CLSTN2: variants seen among roughly 807,000 people sequenced by gnomAD.
CLSTN2 encodes calsyntenin 2.
In CLSTN2, 48 loss-of-function variants were observed where a neutral mutation model predicts 101.2. The ratio of observed to expected loss-of-function variants is 0.47; its 90% CI spans 0.38 to 0.60. The LOEUF is 0.60. CLSTN2 is among the 20% of genes least tolerant of loss of function. The pLI, the probability that CLSTN2 is intolerant of heterozygous loss-of-function variation, is 0.00. For missense variants in CLSTN2, 1,160 were observed against 1,238.2 expected, an observed-to-expected ratio of 0.94 and a Z score of 0.95; for synonymous variants, 481 against 463.6, an observed-to-expected ratio of 1.04 and a Z score of -0.48.
At chr3:140,242,096 G>A (rs1247142727) in intron 2 of CLSTN2, among the ~76,000 whole-genome samples, 1 of 152,010 alleles carries the variant, frequency 6.6e-6, no homozygotes, top group African/African-American at 2.4e-5. Context: ...ATTTTTGGTA[G>A]AGATGGGGTT....
intron 8 of CLSTN2, among the ~76,000 whole-genome samples, chr3:140,485,038 G>A (rs977047433): frequency 1.3e-5 from 2 of 152,152 alleles, no homozygotes. Flanking sequence ...GAGGCACTCT[G>A]ATTTTTAGAG....
At chr3:140,055,269 G>A (rs1170119812) in intron 1 of CLSTN2, among the ~76,000 whole-genome samples, 1 of 152,118 alleles carries the variant, frequency 6.6e-6, no homozygotes, top group Non-Finnish European at 1.5e-5. Flanking sequence ...TGGCCTGGAG[G>A]GGCCTGCCTC....
rs758907787 is a variant in CLSTN2, at chr3:140,222,175, A to G, written c.232+46102A>G. Among the ~76,000 whole-genome samples the G allele has an allele frequency of 3.9e-5, 6 of 152,310 alleles. No individual in the cohort carries two copies. The East Asian group carries it at 5.8e-4, about 15-fold the overall frequency. On this transcript the variant is annotated intron_variant, in intron 2 of 16. Coordinates refer to ENST00000458420, the MANE Select transcript of CLSTN2 (RefSeq NM_022131.3). Reference sequence around the variant, plus strand: ...GATCCTGCCATTTGCAATAACATGGATGGAACTGGAGGTCATTATGTTAAA... The same window carrying G: ...GATCCTGCCATTTGCAATAACATGGGTGGAACTGGAGGTCATTATGTTAAA...
chr3:140,273,150 A>T (rs1006727822), intron 2 of CLSTN2, among the ~76,000 whole-genome samples: 1 of 151,964 alleles, frequency 6.6e-6, no homozygotes, highest in Admixed American at 6.6e-5. Flanking sequence ...GGGTTGGAAG[A>T]TATACTCATT....
At chr3:140,123,951 C>T (rs2009388346) in intron 1 of CLSTN2, among the ~76,000 whole-genome samples, 1 of 151,606 alleles carries the variant, frequency 6.6e-6, no homozygotes, top group Non-Finnish European at 1.5e-5. Context: ...TCCTAAAAGC[C>T]CTATCTACAA....
intron 2 of CLSTN2, among the ~76,000 whole-genome samples, chr3:140,304,945 C>T (rs2087097078): frequency 1.3e-5 from 2 of 152,120 alleles, no homozygotes; most frequent in African/African-American, 4.8e-5. Flanking sequence ...GTCCAATGCC[C>T]TGAATGTTGC....
intron 2 of CLSTN2, among the ~76,000 whole-genome samples, chr3:140,206,750 T>C (rs1290369715): frequency 1.3e-5 from 2 of 152,216 alleles, no homozygotes; most frequent in Non-Finnish European, 2.9e-5. Flanking sequence ...GAGACATTTG[T>C]ACTTGCCCTG....
chr3:140,101,410 C>G (rs1560094957), intron 1 of CLSTN2, among the ~76,000 whole-genome samples: 1 of 152,314 alleles, frequency 6.6e-6, no homozygotes, highest in Middle Eastern at 3.4e-3. Flanking sequence ...TCAGGAAAAG[C>G]TGAACCACCA....
intron 2 of CLSTN2, among the ~76,000 whole-genome samples, chr3:140,379,233 G>A (rs1383566213): frequency 4.6e-5 from 7 of 152,220 alleles, no homozygotes; most frequent in African/African-American, 1.7e-4. Flanking sequence ...ACTTAGGCCT[G>A]TTGTTTCTCT....
chr3:140,184,786 G>C (rs2010463449), intron 2 of CLSTN2, among the ~76,000 whole-genome samples: 1 of 152,056 alleles, frequency 6.6e-6, no homozygotes, highest in Non-Finnish European at 1.5e-5. Flanking sequence ...CCCCCAAAAT[G>C]TATCTAATCA....
intron 6 of CLSTN2, among the ~76,000 whole-genome samples, chr3:140,458,877 G>T (rs1257545528): frequency 6.6e-6 from 1 of 152,168 alleles, no homozygotes; most frequent in Non-Finnish European, 1.5e-5. Flanking sequence ...AAATTTTGCT[G>T]CCAGGTGTCA....
intron 6 of CLSTN2, among the ~76,000 whole-genome samples, chr3:140,450,972 T>C (rs1427783): frequency 0.28 from 43,185 of 151,994 alleles, 7,147 homozygotes; most frequent in East Asian, 0.46. Context: ...GCAAAAATGG[T>C]TATAAGGGAT....
intron 2 of CLSTN2, among the ~76,000 whole-genome samples, chr3:140,396,474 G>A (rs968445372): frequency 1.3e-5 from 2 of 152,158 alleles, no homozygotes; most frequent in Non-Finnish European, 2.9e-5. Context: ...TAACAGGGAA[G>A]AGAGCTAACA....
intron 1 of CLSTN2, among the ~76,000 whole-genome samples, chr3:140,070,869 A>T (rs1237590720): frequency 6.6e-6 from 1 of 152,192 alleles, no homozygotes; most frequent in African/African-American, 2.4e-5. Flanking sequence ...CTACAAAGGC[A>T]GAGTTGAGTA....
intron 2 of CLSTN2, among the ~76,000 whole-genome samples, chr3:140,227,167 C>T (rs1339876417): frequency 6.6e-6 from 1 of 152,192 alleles, no homozygotes; most frequent in African/African-American, 2.4e-5. Flanking sequence ...AAGACCCTTC[C>T]ACCTATGAAC....
intron 2 of CLSTN2, among the ~76,000 whole-genome samples, chr3:140,253,853 T>G (rs2086583830): frequency 6.6e-6 from 1 of 152,090 alleles, no homozygotes; most frequent in Non-Finnish European, 1.5e-5. Flanking sequence ...TGGGATTCCT[T>G]GATTGAGTGA....
chr3:139,988,229 T>A (rs1371397820), intron 1 of CLSTN2, among the ~76,000 whole-genome samples: 1 of 152,210 alleles, frequency 6.6e-6, no homozygotes, highest in East Asian at 1.9e-4. Context: ...CAAACATTTT[T>A]CTTTACTTTG....
intron 1 of CLSTN2, among the ~76,000 whole-genome samples, chr3:140,138,162 A>G (rs1017721808): frequency 1.3e-5 from 2 of 152,178 alleles, no homozygotes; most frequent in Non-Finnish European, 2.9e-5. Context: ...CTAACAGTAC[A>G]ATAGAGTTTG....
Position 140,175,934 on chromosome 3 carries a change from T to C in CLSTN2, c.110-17T>C, listed in dbSNP as rs1576456120. On this transcript the variant is annotated splice_polypyrimidine_tract_variant and intron_variant, in intron 1 of 16. Transcript: ENST00000458420. ...TTAAATAATGATCCTTTTTGTTTTT[T>C]CCCCCTTATTTTCTAGTCAATAAGC... The C allele has an allele frequency of 6.2e-7, 1 of 1,604,356 alleles. No homozygotes were observed. The highest frequency in any genetic ancestry group is 8.5e-7 in the Non-Finnish European group (1 of 1,174,242).
Sources: allele counts gnomAD v4.1 joint callset (sites outside exome capture counted in the v4.1 genomes callset), GRCh38; gene constraint gnomAD v4.1.1; transcripts MANE v1.5; gene names NCBI Gene and HGNC (gene_info 2026-07-23, HGNC 2026-07-21).